The following KIAA1958 variants were observed in gnomAD, a reference collection of about 807,000 sequenced individuals.
The protein encoded by KIAA1958 is KIAA1958.
A neutral mutation model predicts 47.2 loss-of-function variants in KIAA1958; 14 were observed. That is an observed-to-expected ratio of 0.30 (90% confidence interval 0.20 to 0.46). KIAA1958 has a LOEUF of 0.46. Ranked by LOEUF, KIAA1958 falls within the 20% of genes least tolerant of loss-of-function variation. The pLI, the probability that KIAA1958 is intolerant of heterozygous loss-of-function variation, is 1.00. For missense variants in KIAA1958, 803 were observed against 909.2 expected, an observed-to-expected ratio of 0.88 and a Z score of 1.50; for synonymous variants, 354 against 353.3, an observed-to-expected ratio of 1.00 and a Z score of -0.02.
chr9:112,574,887 G>C lies in KIAA1958; in HGVS notation c.807G>C (p.Met269Ile). 6.2e-7 allele frequency: 1 copy of C among 1,614,146 alleles called. No individual in the cohort carries two copies. The highest frequency in any genetic ancestry group is 8.5e-7 in the Non-Finnish European group (1 of 1,180,042). The change falls in exon 2 of 4, where the codon ATG (methionine) becomes ATC (isoleucine). Residue 269 changes from methionine (M) to isoleucine (I), a missense_variant. Coordinates refer to ENST00000337530, the MANE Select transcript of KIAA1958 (RefSeq NM_133465.4). ...AISTELDPHG[M>I]SASPSVISRP... ...GCACGGAGCTAGACCCACACGGTATGTCTGCATCCCCCTCTGTGATCTCCA... is the reference window on the plus strand; with the variant it reads ...GCACGGAGCTAGACCCACACGGTATCTCTGCATCCCCCTCTGTGATCTCCA...
chr9:112,512,433 G>GA (rs954329758), intron 1 of KIAA1958, among the ~76,000 whole-genome samples: 6 of 151,634 alleles, frequency 4.0e-5, no homozygotes, highest in Admixed American at 1.3e-4. Context: ...AAAAAAATTT[G>GA]AAAAAATCAA....
intron 1 of KIAA1958, among the ~76,000 whole-genome samples, chr9:112,556,393 T>G (rs994404243): frequency 6.6e-6 from 1 of 152,244 alleles, no homozygotes; most frequent in Admixed American, 6.5e-5. Context: ...CAAATACACA[T>G]GCCCTTTCAT....
intron 1 of KIAA1958, among the ~76,000 whole-genome samples, chr9:112,544,879 T>C (rs1835002115): frequency 6.6e-6 from 1 of 152,222 alleles, no homozygotes; most frequent in Non-Finnish European, 1.5e-5. Context: ...AAAAGAAATT[T>C]TCCCCAGCTA....
chr9:112,622,855 A>G lies in KIAA1958; in HGVS notation c.1172-22795A>G, dbSNP rs143196912. Among the ~76,000 whole-genome samples the G allele has an allele frequency of 2.9e-3, 436 of 152,316 alleles. 2 individuals carry two copies. The highest frequency in any genetic ancestry group is 9.9e-3 in the African/African-American group (411 of 41,592). On this transcript the variant is annotated intron_variant, in intron 2 of 3. Transcript: ENST00000337530. ...GAGAATTTGTAGTCACATCAACAGT[A>G]TTTATTGAACAGCTAGGGGCCAAAC...
intron 1 of KIAA1958, among the ~76,000 whole-genome samples, chr9:112,572,165 A>C (rs942721008): frequency 6.6e-6 from 1 of 152,152 alleles, no homozygotes; most frequent in Admixed American, 6.5e-5. Flanking sequence ...CTGCGTATAC[A>C]GGGTGGCTGG....
chr9:112,593,928 G>C (rs1346739242), intron 2 of KIAA1958, among the ~76,000 whole-genome samples: 3 of 151,898 alleles, frequency 2.0e-5, no homozygotes, highest in Non-Finnish European at 4.4e-5. Context: ...CCAGTGGCAT[G>C]ATCATAGTTC....
At chr9:112,504,932 C>T (rs1389638678) in intron 1 of KIAA1958, among the ~76,000 whole-genome samples, 2 of 152,154 alleles carry the variant, frequency 1.3e-5, no homozygotes. Flanking sequence ...GAGTACAATA[C>T]ATTTTTGTTG....
At chr9:112,568,465 CT>C in intron 1 of KIAA1958, among the ~76,000 whole-genome samples, 1 of 152,186 alleles carries the variant, frequency 6.6e-6, no homozygotes, top group East Asian at 1.9e-4. Flanking sequence ...GGTAATGTAC[CT>C]TTTTGGAGTC....
intron 2 of KIAA1958, among the ~76,000 whole-genome samples, chr9:112,588,706 C>T (rs1835870396): frequency 6.6e-6 from 1 of 152,088 alleles, no homozygotes. Context: ...TTGTTTGGTG[C>T]CCATGAGATT....
intron 1 of KIAA1958, among the ~76,000 whole-genome samples, chr9:112,570,098 C>A (rs1028731828): frequency 6.6e-6 from 1 of 152,184 alleles, no homozygotes; most frequent in Non-Finnish European, 1.5e-5. Context: ...GCTAGTTCTT[C>A]TGTGTTAGAT....
chr9:112,567,553 T>G (rs1455633986), intron 1 of KIAA1958, among the ~76,000 whole-genome samples: 2 of 152,164 alleles, frequency 1.3e-5, no homozygotes, highest in Non-Finnish European at 2.9e-5. Flanking sequence ...ACCCAGTGAC[T>G]TCCATTTAGG....
At chr9:112,583,438 T>G (rs1405109472) in intron 2 of KIAA1958, among the ~76,000 whole-genome samples, 1 of 152,192 alleles carries the variant, frequency 6.6e-6, no homozygotes, top group Non-Finnish European at 1.5e-5. Context: ...AAGTTTAAAG[T>G]GTGCGTATCA....
intron 1 of KIAA1958, among the ~76,000 whole-genome samples, chr9:112,537,674 G>A (rs1333852217): frequency 6.6e-6 from 1 of 152,220 alleles, no homozygotes; most frequent in Non-Finnish European, 1.5e-5. Flanking sequence ...AGCAACAGGA[G>A]TGCTCTTACA....
At chr9:112,528,371 C>T (rs1458862281) in intron 1 of KIAA1958, among the ~76,000 whole-genome samples, 1 of 152,184 alleles carries the variant, frequency 6.6e-6, no homozygotes, top group African/African-American at 2.4e-5. Flanking sequence ...TCCTTTGCCA[C>T]CTACCACCCT....
chr9:112,611,889 C>T (rs754955321), intron 2 of KIAA1958, among the ~76,000 whole-genome samples: 129 of 151,640 alleles, frequency 8.5e-4, no homozygotes, highest in Non-Finnish European at 1.4e-3. Flanking sequence ...AATAAGGATA[C>T]TAGTTAATGG....
At chr9:112,641,372 AT>A (rs1207044176) in intron 2 of KIAA1958, among the ~76,000 whole-genome samples, 1 of 111,638 alleles carries the variant, frequency 9.0e-6, no homozygotes, top group Non-Finnish European at 1.9e-5. Context: ...TAGATGAGAA[AT>A]CTGATTCTTC....
At chr9:112,621,597 A>G (rs1836510012) in intron 2 of KIAA1958, among the ~76,000 whole-genome samples, 1 of 152,240 alleles carries the variant, frequency 6.6e-6, no homozygotes, top group South Asian at 2.1e-4. Flanking sequence ...TTAGAAAAAC[A>G]CAAATTGGGA....
intron 1 of KIAA1958, among the ~76,000 whole-genome samples, chr9:112,493,554 TTCTG>T (rs1409193610): frequency 6.6e-6 from 1 of 152,234 alleles, no homozygotes; most frequent in Non-Finnish European, 1.5e-5. Flanking sequence ...GATTTCTCAA[TTCTG>T]TCTGTTTGCC....
intron 1 of KIAA1958, among the ~76,000 whole-genome samples, chr9:112,525,547 AT>A (rs2132802496): frequency 2.0e-5 from 3 of 152,240 alleles, no homozygotes; most frequent in Non-Finnish European, 4.4e-5. Flanking sequence ...TGCTTGAATA[AT>A]TTTGCTATTC....
Sources: allele counts gnomAD v4.1 joint callset (sites outside exome capture counted in the v4.1 genomes callset), GRCh38; gene constraint gnomAD v4.1.1; transcripts MANE v1.5; gene names NCBI Gene and HGNC (gene_info 2026-07-23, HGNC 2026-07-21).